Variants in DLEU7 observed in about 807,000 individuals in gnomAD.
DLEU7 encodes the protein deleted in lymphocytic leukemia 7, also known as leukemia-associated protein 7.
DLEU7 carries 17 observed loss-of-function variants against 16.0 expected under a neutral mutation model. The ratio of observed to expected loss-of-function variants is 1.06; its 90% CI spans 0.73 to 1.59. The LOEUF (loss-of-function observed/expected upper bound fraction) is 1.59, where lower values mean the gene tolerates loss of function less well. DLEU7 is among the 40% of genes most tolerant of loss of function. DLEU7 has a pLI of 0.00. For missense variants in DLEU7, 308 were observed against 314.9 expected (o/e 0.98, Z 0.17); for synonymous variants, 113 against 139.8 (o/e 0.81, Z 1.35).
intron 1 of DLEU7, among the ~76,000 whole-genome samples, chr13:50,783,364 A>G (rs1485136347): frequency 6.6e-6 from 1 of 152,178 alleles, no homozygotes; most frequent in Non-Finnish European, 1.5e-5. Context: ...AAGTACCCCA[A>G]TAGCTTGATT....
At chr13:50,723,025 G>T (rs557258157) in intron 1 of DLEU7, 1 of 152,242 alleles carries the variant, frequency 6.6e-6, no homozygotes, top group South Asian at 2.1e-4. Context: ...AAATGTATCA[G>T]ATTTTCTTAA....
chr13:50,722,164 G>A (rs1873638749), intron 1 of DLEU7, among the ~76,000 whole-genome samples: 1 of 152,162 alleles, frequency 6.6e-6, no homozygotes, highest in Admixed American at 6.5e-5. Context: ...GGAGTGACCT[G>A]CCCCATCCTT....
At chr13:50,721,824 C>T (rs751888434) in intron 1 of DLEU7, among the ~76,000 whole-genome samples, 4 of 152,200 alleles carry the variant, frequency 2.6e-5, no homozygotes, top group Middle Eastern at 3.4e-3. Context: ...ACAGGAACAA[C>T]GTAACATCCA....
chr13:50,724,743 C>G (rs1873720398), intron 1 of DLEU7, among the ~76,000 whole-genome samples: 1 of 152,136 alleles, frequency 6.6e-6, no homozygotes, highest in Non-Finnish European at 1.5e-5. Context: ...GCTATCGGCC[C>G]ATCGCATCAG....
At chr13:50,738,962 T>TACACACACACAC (rs55722607) in intron 1 of DLEU7, among the ~76,000 whole-genome samples, 1 of 144,760 alleles carries the variant, frequency 6.9e-6, no homozygotes, top group South Asian at 2.4e-4. Context: ...TAAAAAATAA[T>TACACACACACAC]ACACACACAC....
chr13:50,766,848 A>AGCTG (rs1262835616), intron 1 of DLEU7, among the ~76,000 whole-genome samples: 5 of 147,374 alleles, frequency 3.4e-5, no homozygotes, highest in Non-Finnish European at 7.5e-5. Flanking sequence ...GGTGCTGTAC[A>AGCTG]TACAGAACCC....
At chr13:50,812,198 C>T (rs938943547) in intron 1 of DLEU7, among the ~76,000 whole-genome samples, 1 of 151,566 alleles carries the variant, frequency 6.6e-6, no homozygotes, top group Admixed American at 6.6e-5. Flanking sequence ...AATAGAAATG[C>T]GATTTGAAAA....
At chr13:50,732,286 C>A (rs538234701) in intron 1 of DLEU7, among the ~76,000 whole-genome samples, 11 of 152,076 alleles carry the variant, frequency 7.2e-5, no homozygotes, top group Non-Finnish European at 1.3e-4. Context: ...ATCTCCATCA[C>A]GTCTCACTTA....
At chr13:50,815,541 G>A (rs1388149807) in intron 1 of DLEU7, among the ~76,000 whole-genome samples, 3 of 152,060 alleles carry the variant, frequency 2.0e-5, no homozygotes, top group African/African-American at 4.8e-5. Flanking sequence ...TATTGAGCAG[G>A]TTCATTCATT....
chr13:50,774,830 T>G (rs2137760145), intron 1 of DLEU7, among the ~76,000 whole-genome samples: 1 of 152,312 alleles, frequency 6.6e-6, no homozygotes, highest in East Asian at 1.9e-4. Flanking sequence ...TTGGCTTTCT[T>G]CATGGACACT....
rs1001306662 is a variant in DLEU7, at chr13:50,813,818, G to A, written c.459+29370C>T. Among the ~76,000 whole-genome samples, 19 of 152,112 alleles carry A rather than the reference G, an allele frequency of 1.2e-4. 1 individual carries two copies. The highest frequency in any genetic ancestry group is 6.2e-4 in the South Asian group (3 of 4,826). Reference sequence around the variant, plus strand: ...AACTCCAGAAAAATGCATTAGAAACGTGAAAGGCTGGTTCTGTGTCTATTT... The same window carrying A: ...AACTCCAGAAAAATGCATTAGAAACATGAAAGGCTGGTTCTGTGTCTATTT... On this transcript the variant is annotated intron_variant, in intron 1 of 1. Transcript: ENST00000400393.
chr13:50,803,465 G>A (rs1415020854), intron 1 of DLEU7, among the ~76,000 whole-genome samples: 1 of 152,042 alleles, frequency 6.6e-6, no homozygotes, highest in Non-Finnish European at 1.5e-5. Context: ...CCATTAAAGT[G>A]TGTCAAATAT....
At chr13:50,711,772 C>CCGGCGG, downstream of DLEU7, 2 of 72,928 alleles carry the variant, frequency 2.7e-5, no homozygotes, top group African/African-American at 7.8e-5. Context: ...GACCCAGTGG[C>CCGGCGG]GGGGGCGGGG....
At chr13:50,778,363 G>A (rs1174823551) in intron 1 of DLEU7, among the ~76,000 whole-genome samples, 5 of 152,116 alleles carry the variant, frequency 3.3e-5, no homozygotes, top group African/African-American at 4.8e-5. Context: ...ACGATTTGAC[G>A]TGAGATTTTG....
At chr13:50,840,580 G>GTA (rs1165455123) in intron 1 of DLEU7, among the ~76,000 whole-genome samples, 21 of 152,192 alleles carry the variant, frequency 1.4e-4, no homozygotes, top group Non-Finnish European at 2.8e-4. Flanking sequence ...AGTGGAAGCA[G>GTA]TACATCTAAA....
intron 1 of DLEU7, among the ~76,000 whole-genome samples, chr13:50,733,584 C>T (rs932371472): frequency 2.0e-5 from 3 of 152,052 alleles, no homozygotes; most frequent in Non-Finnish European, 4.4e-5. Context: ...GGGCACCCAA[C>T]TCCTCAACTC....
chr13:50,782,067 CA>C (rs1380003457), intron 1 of DLEU7, among the ~76,000 whole-genome samples: 1 of 152,112 alleles, frequency 6.6e-6, no homozygotes, highest in African/African-American at 2.4e-5. Flanking sequence ...CCCATACCCC[CA>C]AAAAACTTGG....
chr13:50,762,834 C>G (rs1004158491), intron 1 of DLEU7, among the ~76,000 whole-genome samples: 3 of 149,778 alleles, frequency 2.0e-5, no homozygotes, highest in Non-Finnish European at 4.4e-5. Context: ...GCCGCCTCCC[C>G]AAGATTACAA....
At chr13:50,768,989 A>C (rs1377799840) in intron 1 of DLEU7, among the ~76,000 whole-genome samples, 2 of 152,212 alleles carry the variant, frequency 1.3e-5, no homozygotes, top group African/African-American at 4.8e-5. Flanking sequence ...AACTGGTGTG[A>C]GATGGTATCT....
Sources: gnomAD v4.1 joint callset for allele counts (sites outside exome capture counted in the v4.1 genomes callset) on GRCh38, gnomAD v4.1.1 for gene constraint, MANE v1.5 for transcripts, NCBI Gene and HGNC (gene_info 2026-07-23, HGNC 2026-07-21) for gene names.